Variants in ZDHHC20 observed in about 807,000 individuals in gnomAD.
ZDHHC20 encodes the protein zDHHC palmitoyltransferase 20, also known as palmitoyltransferase ZDHHC20.
Under a neutral mutation model 57.8 loss-of-function variants are expected in ZDHHC20, and 43 were observed. The observed-to-expected ratio is 0.74, with a 90% confidence interval of 0.58 to 0.96. The LOEUF (loss-of-function observed/expected upper bound fraction) is 0.96, where lower values mean the gene tolerates loss of function less well. ZDHHC20 is among the 40% of genes least tolerant of loss of function. The pLI is 0.00. For synonymous variants in ZDHHC20, 157 were observed against 153.0 expected (o/e 1.03, Z -0.19); for missense variants, 391 against 441.1 (o/e 0.89, Z 1.02).
At chr13:21,392,580 G>A (rs1481738565) in intron 7 of ZDHHC20, among the ~76,000 whole-genome samples, 1 of 152,090 alleles carries the variant, frequency 6.6e-6, no homozygotes, top group Non-Finnish European at 1.5e-5. Context: ...CAGCTTCTCT[G>A]GTATCCCTTC....
At chr13:21,407,050 G>A (rs750719992) in intron 4 of ZDHHC20, among the ~76,000 whole-genome samples, 8 of 150,544 alleles carry the variant, frequency 5.3e-5, no homozygotes, top group South Asian at 4.2e-4. Context: ...GTGCAGTGGC[G>A]TGATCTCAGC....
chr13:21,410,303 C>T (rs1479796034), intron 4 of ZDHHC20, among the ~76,000 whole-genome samples: 2 of 152,204 alleles, frequency 1.3e-5, no homozygotes, highest in African/African-American at 4.8e-5. Context: ...TGCAGCTCTC[C>T]TGTATGAGGT....
intron 11 of ZDHHC20, among the ~76,000 whole-genome samples, chr13:21,380,493 C>T (rs1416699219): frequency 6.6e-6 from 1 of 151,612 alleles, no homozygotes; most frequent in Admixed American, 6.6e-5. Context: ...AAGCTGGGAC[C>T]CTAAAGAATA....
chr13:21,391,857 G>C lies in ZDHHC20; in HGVS notation c.595-3C>G, dbSNP rs1167367173. ...GCACGTGTATCTGTCAGTTCATTCTGAGGAAAAAAAGAAGTTAATTTTGAG... is the reference window on the plus strand; with the variant it reads ...GCACGTGTATCTGTCAGTTCATTCTCAGGAAAAAAAGAAGTTAATTTTGAG... On this transcript the variant is annotated splice_polypyrimidine_tract_variant and splice_region_variant and intron_variant, in intron 7 of 12. Transcript: ENST00000400590. 2.5e-6 allele frequency: 4 copies of C among 1,604,564 alleles called. No individual in the cohort carries two copies. Among genetic ancestry groups the C allele is most frequent in the African/African-American group, 1.3e-5 (1 of 74,342 alleles).
intron 6 of ZDHHC20, among the ~76,000 whole-genome samples, chr13:21,400,976 TA>T (rs1395320793): frequency 6.6e-6 from 1 of 152,004 alleles, no homozygotes; most frequent in Non-Finnish European, 1.5e-5. Context: ...TAAAACATAA[TA>T]ATTAAAAAAA....
At chr13:21,382,520 A>G (rs1393584105) in intron 10 of ZDHHC20, among the ~76,000 whole-genome samples, 1 of 152,236 alleles carries the variant, frequency 6.6e-6, no homozygotes, top group Non-Finnish European at 1.5e-5. Context: ...TTTTGATAGT[A>G]TATTAAAATT....
intron 8 of ZDHHC20, 57 bp from the exon 9 acceptor site, chr13:21,387,691 G>T: frequency 1.8e-6 from 2 of 1,137,108 alleles, no homozygotes; most frequent in Non-Finnish European, 2.3e-6. Flanking sequence ...TTATAGGAGG[G>T]ATGGAAATTA....
At chr13:21,447,508 C>T (rs977775753) in intron 1 of ZDHHC20, among the ~76,000 whole-genome samples, 3 of 146,682 alleles carry the variant, frequency 2.0e-5, no homozygotes, top group Non-Finnish European at 4.6e-5. Flanking sequence ...GGTCTCCAGC[C>T]CCTAACCGCG....
intron 12 of ZDHHC20, chr13:21,377,986 T>G (rs1330232018): frequency 1.3e-5 from 2 of 152,250 alleles, no homozygotes; most frequent in Non-Finnish European, 2.9e-5. Flanking sequence ...AGCCTTTAAT[T>G]TTGGTCATTT....
Position 21,391,041 on chromosome 13 carries a change from T to C in ZDHHC20, c.727+681A>G, listed in dbSNP as rs150681749. ...ATGTAAATCTACTGTCTATCCCTTA[T>C]AGATTAATTTTTTTTTTTTTGAGAT... is the stretch of plus-strand genomic sequence containing the variant. On this transcript the variant is annotated intron_variant, in intron 8 of 12. Transcript: ENST00000400590. Among the ~76,000 whole-genome samples, 917 of 152,212 alleles carry C rather than the reference T, an allele frequency of 6.0e-3. 7 individuals are homozygous for C. The highest frequency in any genetic ancestry group is 0.021 in the African/African-American group (858 of 41,540).
At chr13:21,451,155 C>T (rs1257429135) in intron 1 of ZDHHC20, among the ~76,000 whole-genome samples, 4 of 152,224 alleles carry the variant, frequency 2.6e-5, no homozygotes, top group South Asian at 4.1e-4. Flanking sequence ...TAAACCATGT[C>T]GGCATAATTT....
At chr13:21,405,584 T>C (rs1229117015) in intron 4 of ZDHHC20, among the ~76,000 whole-genome samples, 2 of 152,180 alleles carry the variant, frequency 1.3e-5, no homozygotes, top group East Asian at 3.9e-4. Context: ...GTGCTTTTAG[T>C]GCACCTGTTT....
chr13:21,419,348 C>A (rs75132576), intron 3 of ZDHHC20, among the ~76,000 whole-genome samples: 5,237 of 152,258 alleles, frequency 0.034, 279 homozygotes, highest in African/African-American at 0.11. Context: ...TATACTAGTT[C>A]TACTCCTAGG....
chr13:21,442,946 C>A (rs1370861417), intron 1 of ZDHHC20, among the ~76,000 whole-genome samples: 3 of 152,124 alleles, frequency 2.0e-5, no homozygotes, highest in Admixed American at 2.0e-4. Context: ...ATTGTTCATG[C>A]TGAGTTACAC....
intron 1 of ZDHHC20, among the ~76,000 whole-genome samples, chr13:21,433,888 T>G (rs1368166332): frequency 2.0e-5 from 3 of 152,250 alleles, no homozygotes; most frequent in African/African-American, 7.2e-5. Flanking sequence ...GATGCTATTA[T>G]AAACAGCATT....
At chr13:21,455,069 C>T (rs1229789591) in intron 1 of ZDHHC20, among the ~76,000 whole-genome samples, 10 of 152,066 alleles carry the variant, frequency 6.6e-5, no homozygotes, top group Admixed American at 4.6e-4. Flanking sequence ...TACAGGCACC[C>T]GCCACCACAC....
At chr13:21,404,571 T>C (rs1034707721) in intron 4 of ZDHHC20, among the ~76,000 whole-genome samples, 2 of 151,922 alleles carry the variant, frequency 1.3e-5, no homozygotes, top group African/African-American at 4.8e-5. Flanking sequence ...GCTAACATGG[T>C]GAAACCCCGT....
intron 3 of ZDHHC20, 68 bp from the exon 4 acceptor site, chr13:21,413,840 G>T: frequency 1.5e-6 from 2 of 1,367,818 alleles, no homozygotes; most frequent in South Asian, 1.4e-5. Flanking sequence ...CTCAGAAAAA[G>T]TTTTATCTAG....
chr13:21,416,986 T>C (rs911737216), intron 3 of ZDHHC20, among the ~76,000 whole-genome samples: 1 of 152,248 alleles, frequency 6.6e-6, no homozygotes, highest in Non-Finnish European at 1.5e-5. Context: ...CTATCAGCTA[T>C]TCACATGCTG....
Sources: allele counts gnomAD v4.1 joint callset (sites outside exome capture counted in the v4.1 genomes callset), GRCh38; gene constraint gnomAD v4.1.1; transcripts MANE v1.5; gene names NCBI Gene and HGNC (gene_info 2026-07-23, HGNC 2026-07-21).